Variants in DMXL1 observed in about 807,000 individuals in gnomAD.
DMXL1 encodes the protein Dmx like 1, also known as dmX-like protein 1.
Under a neutral mutation model 319.2 loss-of-function variants are expected in DMXL1, and 99 were observed. That is an observed-to-expected ratio of 0.31 (90% confidence interval 0.26 to 0.37). The LOEUF (loss-of-function observed/expected upper bound fraction) is 0.37, where lower values mean the gene tolerates loss of function less well. Ranked by LOEUF, DMXL1 falls within the 10% of genes least tolerant of loss-of-function variation. The pLI, the probability that DMXL1 is intolerant of heterozygous loss-of-function variation, is 1.00. For synonymous variants in DMXL1, 1,385 were observed against 1,235.2 expected, an observed-to-expected ratio of 1.12 and a Z score of -2.54; for missense variants, 3,745 against 3,595.6, an observed-to-expected ratio of 1.04 and a Z score of -1.06.
At chr5:119,177,523 T>C (rs749767456) in intron 27 of DMXL1, 39 bp downstream of exon 27, 1 of 1,535,322 alleles carries the variant, frequency 6.5e-7, no homozygotes, top group South Asian at 1.2e-5. Flanking sequence ...TTCTTAGTCT[T>C]ATTTATAATC....
intron 34 of DMXL1, among the ~76,000 whole-genome samples, chr5:119,213,320 C>T (rs968766773): frequency 2.6e-5 from 4 of 152,236 alleles, no homozygotes; most frequent in Non-Finnish European, 5.9e-5. Context: ...CTTCTGCCTC[C>T]TCTAACAGAG....
At chr5:119,131,873 A>G (rs1489290246) in intron 10 of DMXL1, among the ~76,000 whole-genome samples, 2 of 152,208 alleles carry the variant, frequency 1.3e-5, no homozygotes, top group Non-Finnish European at 2.9e-5. Context: ...GAATCCATTT[A>G]TAAAGATATT....
At chr5:119,227,005 G>A (rs995528360) in intron 38 of DMXL1, among the ~76,000 whole-genome samples, 10 of 152,096 alleles carry the variant, frequency 6.6e-5, no homozygotes, top group Non-Finnish European at 1.5e-4. Flanking sequence ...AGTTTTTATA[G>A]AACTTAATCT....
intron 35 of DMXL1, among the ~76,000 whole-genome samples, chr5:119,217,873 G>A (rs1783959593): frequency 6.6e-6 from 1 of 151,934 alleles, no homozygotes; most frequent in African/African-American, 2.4e-5. Flanking sequence ...AATTCTTCTG[G>A]ACAGTATCTT....
intron 1 of DMXL1, among the ~76,000 whole-genome samples, chr5:119,092,257 G>T: frequency 6.6e-6 from 1 of 151,182 alleles, no homozygotes; most frequent in African/African-American, 2.4e-5. Context: ...ATTTGTTTTG[G>T]GTTTTCTTTT....
intron 33 of DMXL1, chr5:119,206,535 T>C (rs1220357387): frequency 5.1e-6 from 1 of 194,848 alleles, no homozygotes; most frequent in Admixed American, 6.0e-5. Flanking sequence ...TAAAGTATTT[T>C]GGTTTCAATC....
intron 40 of DMXL1, 30 bp downstream of exon 40, chr5:119,237,444 A>C: frequency 7.2e-7 from 1 of 1,390,368 alleles, no homozygotes; most frequent in Non-Finnish European, 1.0e-6. Context: ...CTTTAAATAA[A>C]ATTTGAATTT....
chr5:119,074,689 T>G (rs1750415021), intron 1 of DMXL1, among the ~76,000 whole-genome samples: 1 of 152,230 alleles, frequency 6.6e-6, no homozygotes, highest in Non-Finnish European at 1.5e-5. Flanking sequence ...AAACCTCTTG[T>G]GGGCAATGAC....
intron 13 of DMXL1, among the ~76,000 whole-genome samples, chr5:119,140,640 G>C (rs1194130898): frequency 6.6e-6 from 1 of 151,966 alleles, no homozygotes; most frequent in East Asian, 1.9e-4. Flanking sequence ...GAAAAACCCA[G>C]GATCTGAGGG....
intron 9 of DMXL1, among the ~76,000 whole-genome samples, chr5:119,123,122 G>A (rs1337056192): frequency 1.3e-5 from 2 of 152,062 alleles, no homozygotes; most frequent in East Asian, 1.9e-4. Context: ...CCAACACAGC[G>A]AAATCCCGTC....
chr5:119,127,857 C>G, intron 9 of DMXL1: 3 of 323,802 alleles, frequency 9.3e-6, no homozygotes, highest in South Asian at 8.7e-5. Flanking sequence ...TGGCATTTCT[C>G]TGGTATCAGC....
At chr5:119,100,885 T>G (rs1757119006) in intron 2 of DMXL1, among the ~76,000 whole-genome samples, 1 of 148,076 alleles carries the variant, frequency 6.8e-6, no homozygotes, top group South Asian at 2.3e-4. Context: ...GTTCACGCCA[T>G]TCTCCTGCCT....
At chr5:119,197,549 ATT>A (rs1779859307) in intron 31 of DMXL1, among the ~76,000 whole-genome samples, 1 of 152,232 alleles carries the variant, frequency 6.6e-6, no homozygotes, top group African/African-American at 2.4e-5. Context: ...ACTTACACAG[ATT>A]TATGGCATAC....
At position 119,170,186 on chromosome 5, in the gene DMXL1, T is replaced by C; in HGVS notation, c.5399-4T>C. On this transcript the variant is annotated splice_region_variant and splice_polypyrimidine_tract_variant and intron_variant, in intron 23 of 43. Transcript: ENST00000539542. ...CTTGGCTCATAAAATGAATTTACTT[T>C]CAGATCAAGTTTTATCAGCCAGTAA... The C allele has an allele frequency of 6.3e-7, 1 of 1,584,592 alleles. No homozygotes were observed. Among genetic ancestry groups the C allele is most frequent in the Non-Finnish European group, 8.6e-7 (1 of 1,169,304 alleles).
At chr5:119,095,395 A>T (rs1025377464) in intron 1 of DMXL1, among the ~76,000 whole-genome samples, 1 of 152,092 alleles carries the variant, frequency 6.6e-6, no homozygotes, top group Non-Finnish European at 1.5e-5. Flanking sequence ...ACATTTCTCA[A>T]CTCTGCAAGT....
rs377456338 is a variant in DMXL1 at position 119,240,401 on chromosome 5, CT to C, written c.8652-5del. ...AGCTTTTGTGTCACTCAGAAGTAATCTTTTTTTTTTTTTCCAGAAACGTATG... is the reference window on the plus strand; with the variant it reads ...AGCTTTTGTGTCACTCAGAAGTAATCTTTTTTTTTTTTCCAGAAACGTATG... On this transcript the variant is annotated splice_polypyrimidine_tract_variant and intron_variant, in intron 41 of 43. Coordinates refer to ENST00000539542, the MANE Select transcript of DMXL1 (RefSeq NM_001290321.3). 0.14 allele frequency: 147,621 copies of C among 1,048,538 alleles called. 40 individuals carry two copies. The highest frequency in any genetic ancestry group is 0.2 in the South Asian group (12,548 of 61,598). The allele number at this position is 1,048,538 out of a possible 1,614,324, so 65.0% of individuals were successfully genotyped here. A position where few individuals can be genotyped will look rare whatever the true frequency, so the allele number is the denominator to read the frequency against.
At chr5:119,200,095 A>C (rs569003610) in intron 32 of DMXL1, among the ~76,000 whole-genome samples, 1 of 152,046 alleles carries the variant, frequency 6.6e-6, no homozygotes, top group African/African-American at 2.4e-5. Context: ...CTATTTGTCA[A>C]TTTTTGCTTT....
chr5:119,207,920 CA>C (rs1322700528), intron 34 of DMXL1, among the ~76,000 whole-genome samples: 1 of 152,040 alleles, frequency 6.6e-6, no homozygotes, highest in Non-Finnish European at 1.5e-5. Context: ...AAAAATTGCT[CA>C]AAAAAATTTT....
chr5:119,087,955 C>T (rs1753750659), intron 1 of DMXL1, among the ~76,000 whole-genome samples: 1 of 152,092 alleles, frequency 6.6e-6, no homozygotes, highest in Non-Finnish European at 1.5e-5. Flanking sequence ...GCACCCTCCA[C>T]CATGCCTGGC....
Sources: gnomAD v4.1 joint callset for allele counts (sites outside exome capture counted in the v4.1 genomes callset) on GRCh38, gnomAD v4.1.1 for gene constraint, MANE v1.5 for transcripts, NCBI Gene and HGNC (gene_info 2026-07-23, HGNC 2026-07-21) for gene names.